The following DAB1 variants were observed in gnomAD, a reference collection of about 807,000 sequenced individuals.
The protein encoded by DAB1 is DAB adaptor protein 1.
A neutral mutation model predicts 64.6 loss-of-function variants in DAB1; 15 were observed. The ratio of observed to expected loss-of-function variants is 0.23; its 90% CI spans 0.16 to 0.36. DAB1 has a LOEUF of 0.36. Ranked by LOEUF, DAB1 falls within the 10% of genes least tolerant of loss-of-function variation. The probability of loss-of-function intolerance (pLI) is 1.00; values close to 1 mark genes in which losing one functional copy is unlikely to be tolerated. For synonymous variants in DAB1, 235 were observed against 251.9 expected, an observed-to-expected ratio of 0.93 and a Z score of 0.64; for missense variants, 596 against 706.7, an observed-to-expected ratio of 0.84 and a Z score of 1.78.
chr1:57,692,107 T>A (rs1646771449), intron 6 of DAB1, among the ~76,000 whole-genome samples: 1 of 151,848 alleles, frequency 6.6e-6, no homozygotes, highest in Admixed American at 6.6e-5. Context: ...ATTGACCCCG[T>A]GGCCACAAGC....
intron 7 of DAB1, among the ~76,000 whole-genome samples, chr1:57,627,840 A>G (rs1391866708): frequency 6.6e-6 from 1 of 152,198 alleles, no homozygotes; most frequent in African/African-American, 2.4e-5. Flanking sequence ...TGGGGTGGGC[A>G]ACAGGCCCTT....
chr1:58,325,405 CTCTCTAAACCAGGGGTT>C (rs1377330788), intron 4 of DAB1, among the ~76,000 whole-genome samples: 1 of 152,190 alleles, frequency 6.6e-6, no homozygotes, highest in Admixed American at 6.5e-5. Context: ...ACCTCCTTAC[CTCTCTAAACCAGGGGTT>C]CCTCATCTTT....
chr1:57,246,196 C>T (rs764897682), intron 2 of DAB1, among the ~76,000 whole-genome samples: 28 of 152,184 alleles, frequency 1.8e-4, no homozygotes, highest in Non-Finnish European at 3.7e-4. Flanking sequence ...TTCGCAGCAG[C>T]CTCTCCCATC....
intron 7 of DAB1, among the ~76,000 whole-genome samples, chr1:57,482,534 A>C (rs1644036946): frequency 6.6e-6 from 1 of 151,678 alleles, no homozygotes; most frequent in Non-Finnish European, 1.5e-5. Context: ...GTATGAACCT[A>C]GAATTAGGCA....
intron 7 of DAB1, among the ~76,000 whole-genome samples, chr1:57,645,886 G>A (rs549539778): frequency 1.1e-4 from 16 of 152,276 alleles, no homozygotes; most frequent in Admixed American, 9.2e-4. Flanking sequence ...TTTACACTTG[G>A]GGCCTGGATA....
At chr1:57,052,574 C>T (rs1159302993) in intron 9 of DAB1, among the ~76,000 whole-genome samples, 1 of 152,176 alleles carries the variant, frequency 6.6e-6, no homozygotes, top group Admixed American at 6.5e-5. Context: ...GAGTGAGCTA[C>T]TATAATGTCA....
intron 3 of DAB1, among the ~76,000 whole-genome samples, chr1:58,405,812 T>C (rs959111727): frequency 6.6e-6 from 1 of 152,164 alleles, no homozygotes; most frequent in Non-Finnish European, 1.5e-5. Context: ...AAACAGACAC[T>C]TGGAGGAGAC....
chr1:58,120,598 T>C (rs1652677800), intron 5 of DAB1, among the ~76,000 whole-genome samples: 2 of 152,152 alleles, frequency 1.3e-5, no homozygotes. Flanking sequence ...GATGCTTCCT[T>C]CCCTTGTCCA....
chr1:57,699,234 C>T (rs1258529685), intron 6 of DAB1, among the ~76,000 whole-genome samples: 1 of 152,184 alleles, frequency 6.6e-6, no homozygotes, highest in Non-Finnish European at 1.5e-5. Context: ...GTCATGGTGC[C>T]CAGCCTCTAT....
chr1:58,018,779 T>A (rs1253212398), intron 5 of DAB1, among the ~76,000 whole-genome samples: 1 of 152,192 alleles, frequency 6.6e-6, no homozygotes, highest in Non-Finnish European at 1.5e-5. Context: ...CCCTTCCAAG[T>A]CTTCCCTGAA....
chr1:57,268,235 G>C (rs907833182), intron 2 of DAB1, among the ~76,000 whole-genome samples: 1 of 152,184 alleles, frequency 6.6e-6, no homozygotes, highest in Non-Finnish European at 1.5e-5. Context: ...CAAGGATTCA[G>C]CTTTGACAAT....
intron 6 of DAB1, among the ~76,000 whole-genome samples, chr1:57,743,114 G>A (rs1256334301): frequency 6.6e-6 from 1 of 152,132 alleles, no homozygotes; most frequent in East Asian, 1.9e-4. Flanking sequence ...CAGCAAGGGT[G>A]TCATTCAGAA....
At chr1:57,721,723 T>C (rs1647153406) in intron 6 of DAB1, among the ~76,000 whole-genome samples, 2 of 152,282 alleles carry the variant, frequency 1.3e-5, no homozygotes, top group East Asian at 3.9e-4. Flanking sequence ...GCTGGTCACC[T>C]GCAGCAGAAG....
intron 7 of DAB1, among the ~76,000 whole-genome samples, chr1:57,579,445 T>C (rs1409908363): frequency 2.6e-5 from 4 of 152,162 alleles, no homozygotes; most frequent in Admixed American, 1.3e-4. Context: ...CTAGGACTAC[T>C]GTGAAGGTTA....
intron 3 of DAB1, among the ~76,000 whole-genome samples, chr1:58,352,636 A>G (rs1244441866): frequency 2.6e-5 from 4 of 152,172 alleles, no homozygotes; most frequent in African/African-American, 7.2e-5. Flanking sequence ...CAATCAATAC[A>G]TTACACAACT....
chr1:58,406,527 C>T (rs1011165363), intron 3 of DAB1, among the ~76,000 whole-genome samples: 1 of 152,206 alleles, frequency 6.6e-6, no homozygotes, highest in Non-Finnish European at 1.5e-5. Flanking sequence ...ACGAGAGGAA[C>T]TTCTGAGAGA....
chr1:58,318,348 A>T (rs1662604619), intron 4 of DAB1, among the ~76,000 whole-genome samples: 1 of 152,186 alleles, frequency 6.6e-6, no homozygotes, highest in African/African-American at 2.4e-5. Context: ...ACAGATGTTT[A>T]GTGTCCAATG....
chr1:57,771,409 C>T (rs1649555459), intron 6 of DAB1, among the ~76,000 whole-genome samples: 1 of 152,044 alleles, frequency 6.6e-6, no homozygotes, highest in Non-Finnish European at 1.5e-5. Context: ...AATTTCCTAA[C>T]AGGAAAGTGC....
intron 6 of DAB1, among the ~76,000 whole-genome samples, chr1:57,805,261 A>ATAAGT (rs1240038262): frequency 1.3e-5 from 2 of 152,220 alleles, no homozygotes; most frequent in African/African-American, 4.8e-5. Flanking sequence ...TAAGAAATAT[A>ATAAGT]TAAGTATTTC....
Sources: allele counts gnomAD v4.1 joint callset (sites outside exome capture counted in the v4.1 genomes callset), GRCh38; gene constraint gnomAD v4.1.1; transcripts MANE v1.5; gene names NCBI Gene and HGNC (gene_info 2026-07-23, HGNC 2026-07-21).